NAV1: variants seen among roughly 807,000 people sequenced by gnomAD.
NAV1 encodes the protein neuron navigator 1.
Under a neutral mutation model 175.2 loss-of-function variants are expected in NAV1, and 18 were observed. That is an observed-to-expected ratio of 0.10 (90% CI 0.07 to 0.15). The LOEUF is 0.15. Among genes scored for constraint, NAV1 ranks in the 10% least tolerant of loss-of-function variants. NAV1 has a pLI of 1.00. For synonymous variants in NAV1, 897 were observed against 978.7 expected (o/e 0.92, Z 1.56); for missense variants, 1,731 against 2,436.6 (o/e 0.71, Z 6.10).
Position 201,651,601 on chromosome 1 carries a change from C to A in NAV1, c.757+2176C>A, listed in dbSNP as rs958522161. ...TCAAAAGCATTGAGGGCCTTAAAGG[C>A]ATCTATGAGTTCATGGTGGAAGGGA... is the stretch of plus-strand genomic sequence containing the variant. On this transcript the variant is annotated intron_variant, in intron 1 of 29. Transcript: ENST00000367296. 7.9e-5 allele frequency among the ~76,000 whole-genome samples: 12 copies of A among 152,274 alleles called. 1 individual carries two copies. Among genetic ancestry groups the A allele is most frequent in the Middle Eastern group, 3.4e-3 (1 of 294 alleles).
chr1:201,795,167 A>G (rs1454759806), intron 15 of NAV1: 1 of 152,236 alleles, frequency 6.6e-6, no homozygotes, highest in Non-Finnish European at 1.5e-5. Flanking sequence ...TTTTTATTCC[A>G]CTACCAGTGA....
In NAV1 at chr1:201,597,924, C is replaced by T. The variant is rs191047580; in HGVS notation, c.-33+9275C>T. Among the ~76,000 whole-genome samples, 4 of 152,286 alleles carry T rather than the reference C, an allele frequency of 2.6e-5. No individual in the cohort carries two copies. The East Asian group carries it at 7.7e-4, about 29-fold the overall frequency. ...AGAGAGCAGAGTCGGGGAAGTAGGC[C>T]CCACCCACCTTGGCCAGGGAGCAAG... On this transcript the variant is annotated intron_variant, in intron 2 of 33. Coordinates refer to the NAV1 transcript ENST00000685211.
upstream of NAV1, among the ~76,000 whole-genome samples, chr1:201,619,077 G>T (rs922478581): frequency 2.0e-5 from 3 of 152,176 alleles, no homozygotes; most frequent in Admixed American, 2.0e-4. Flanking sequence ...GGAGGAGAGA[G>T]CAGGGCCCCC....
At chr1:201,604,046 C>T (rs1002015309) in intron 2 of NAV1, among the ~76,000 whole-genome samples, 49 of 152,232 alleles carry the variant, frequency 3.2e-4, no homozygotes, top group African/African-American at 1.1e-3. Context: ...AAGATACATG[C>T]TGCTATTCTC....
upstream of NAV1, among the ~76,000 whole-genome samples, chr1:201,647,141 T>G (rs1669003290): frequency 1.3e-5 from 2 of 152,192 alleles, no homozygotes; most frequent in African/African-American, 4.8e-5. Flanking sequence ...CCCCTCCACT[T>G]TCTCCTGAGA....
intron 1 of NAV1, among the ~76,000 whole-genome samples, chr1:201,551,090 A>C (rs1340226655): frequency 1.3e-5 from 2 of 152,236 alleles, no homozygotes; most frequent in Non-Finnish European, 1.5e-5. Flanking sequence ...AATCGGACTC[A>C]GAGAGGCTAA....
chr1:201,671,961 T>C (rs1211013361), intron 1 of NAV1, among the ~76,000 whole-genome samples: 1 of 152,182 alleles, frequency 6.6e-6, no homozygotes, highest in South Asian at 2.1e-4. Context: ...ATCCTGATCC[T>C]CCGCATCCCG....
intron 1 of NAV1, among the ~76,000 whole-genome samples, chr1:201,587,252 A>ATCACATTAAAAT (rs1444032615): frequency 6.6e-6 from 1 of 151,864 alleles, no homozygotes; most frequent in Non-Finnish European, 1.5e-5. Context: ...TGTTATGTGT[A>ATCACATTAAAAT]GTTTACCACA....
chr1:201,594,353 AGGT>A (rs906455118), intron 2 of NAV1, among the ~76,000 whole-genome samples: 1 of 151,828 alleles, frequency 6.6e-6, no homozygotes, highest in African/African-American at 2.4e-5. Flanking sequence ...GGAGGGGAGG[AGGT>A]GGTTGCTGGA....
intron 1 of NAV1, among the ~76,000 whole-genome samples, chr1:201,560,492 G>A (rs1666166886): frequency 6.6e-6 from 1 of 152,158 alleles, no homozygotes. Flanking sequence ...CTGGTGTGGT[G>A]ACCAACAGGC....
chr1:201,603,876 T>G (rs617301), intron 2 of NAV1, among the ~76,000 whole-genome samples: 1 of 151,980 alleles, frequency 6.6e-6, no homozygotes, highest in Non-Finnish European at 1.5e-5. Flanking sequence ...TTTCATCGCA[T>G]AGCCTTTCAA....
In NAV1 at chr1:201,785,500, T is replaced by G. The variant is rs1458093193; in HGVS notation, c.2846+149T>G. ...TATGTGGTCCCATACAAGTACCACC[T>G]AGTACCTTGCCCAAGCTTAATATTA... On this transcript the variant is annotated intron_variant, in intron 8 of 29. Transcript: ENST00000367296. The G allele has an allele frequency of 3.0e-5, 24 of 807,240 alleles. No individual in the cohort carries two copies. The South Asian group carries it at 3.7e-4, about 13-fold the overall frequency. The allele number at this position is 807,240 out of a possible 1,614,324, so 50.0% of individuals were successfully genotyped here.
chr1:201,578,122 G>A (rs956444733), intron 1 of NAV1, among the ~76,000 whole-genome samples: 23 of 152,048 alleles, frequency 1.5e-4, no homozygotes, highest in South Asian at 4.1e-4. Flanking sequence ...TCAATAACAC[G>A]AAAGTTAGAT....
intron 1 of NAV1, among the ~76,000 whole-genome samples, chr1:201,674,863 C>T (rs1168164884): frequency 6.6e-6 from 1 of 151,908 alleles, no homozygotes; most frequent in African/African-American, 2.4e-5. Context: ...ATGGTGAAAC[C>T]CAATCTCTAC....
In NAV1 at chr1:201,572,614, C is replaced by T. The variant is rs555050969; in HGVS notation, c.-143-15925C>T. 9.2e-5 allele frequency among the ~76,000 whole-genome samples: 14 copies of T among 152,046 alleles called. No homozygotes were observed. The South Asian group carries it at 2.9e-3, about 32-fold the overall frequency. Reference sequence around the variant, plus strand: ...CAAACTCCTGACCTCATGATCCACCCGCCTCAGCCTCCCAAAGTGCTGGGA... The same window carrying T: ...CAAACTCCTGACCTCATGATCCACCTGCCTCAGCCTCCCAAAGTGCTGGGA... On this transcript the variant is annotated intron_variant, in intron 1 of 33. Coordinates refer to the NAV1 transcript ENST00000685211.
chr1:201,582,891 C>A (rs1046380678), intron 1 of NAV1, among the ~76,000 whole-genome samples: 1 of 152,208 alleles, frequency 6.6e-6, no homozygotes, highest in African/African-American at 2.4e-5. Context: ...GACAGGATCC[C>A]AAGCAGACTG....
intron 1 of NAV1, among the ~76,000 whole-genome samples, chr1:201,654,972 G>C (rs893740263): frequency 4.6e-5 from 7 of 152,204 alleles, no homozygotes; most frequent in Non-Finnish European, 7.4e-5. Context: ...GATGAAGCTA[G>C]CCTGCGTTTC....
chr1:201,665,581 G>GAGCCATAGGTGGGCGGAT (rs373539469), intron 1 of NAV1, among the ~76,000 whole-genome samples: 1 of 143,974 alleles, frequency 6.9e-6, no homozygotes, highest in African/African-American at 2.6e-5. Flanking sequence ...GTGAGGGCAA[G>GAGCCATAGGTGGGCGGAT]AGCACCCCAC....
At chr1:201,602,088 G>C (rs571775146) in intron 2 of NAV1, among the ~76,000 whole-genome samples, 1 of 150,880 alleles carries the variant, frequency 6.6e-6, no homozygotes, top group Non-Finnish European at 1.5e-5. Context: ...ACCTTTTAAG[G>C]GTCTAAAATG....
Sources: gnomAD v4.1 joint callset for allele counts (sites outside exome capture counted in the v4.1 genomes callset) on GRCh38, gnomAD v4.1.1 for gene constraint, MANE v1.5 for transcripts, NCBI Gene and HGNC (gene_info 2026-07-23, HGNC 2026-07-21) for gene names.